The following TFEC variants were observed in gnomAD, a reference collection of about 807,000 sequenced individuals.
The protein encoded by TFEC is transcription factor EC.
In TFEC, 31 loss-of-function variants were observed where a neutral mutation model predicts 41.6. That is an observed-to-expected ratio of 0.74 (90% confidence interval 0.56 to 1.01). The LOEUF (loss-of-function observed/expected upper bound fraction) is 1.01. TFEC is among the 50% of genes least tolerant of loss of function. TFEC has a pLI of 0.00. For missense variants in TFEC, 402 were observed against 404.1 expected (o/e 0.99, Z 0.04); for synonymous variants, 143 against 140.6 (o/e 1.02, Z -0.12).
At chr7:116,061,517 G>A (rs1412954944) in intron 3 of TFEC, among the ~76,000 whole-genome samples, 2 of 151,998 alleles carry the variant, frequency 1.3e-5, no homozygotes, top group Non-Finnish European at 1.5e-5. Context: ...AGAAAACTTG[G>A]GAGAAAATCT....
At chr7:115,977,599 A>G (rs1285046886) in intron 2 of TFEC, among the ~76,000 whole-genome samples, 1 of 152,040 alleles carries the variant, frequency 6.6e-6, no homozygotes, top group Non-Finnish European at 1.5e-5. Context: ...CAGTTTAAGG[A>G]GTACTCCAGT....
intron 4 of TFEC, among the ~76,000 whole-genome samples, chr7:115,955,843 A>G (rs1213001714): frequency 2.6e-5 from 4 of 151,992 alleles, no homozygotes; most frequent in Admixed American, 2.6e-4. Context: ...AGTCTGAATA[A>G]TTTGGATGCA....
rs958032611 is a variant in TFEC at position 115,977,891 on chromosome 7, G to T, written c.181-3635C>A. Among the ~76,000 whole-genome samples the T allele has an allele frequency of 1.0e-3, 111 of 106,242 alleles. 1 individual carries two copies. Among genetic ancestry groups the T allele is most frequent in the African/African-American group, 4.1e-3 (106 of 25,612 alleles). 69.7% of individuals were successfully genotyped at this position (106,242 alleles called of 152,430 possible). A position where few individuals can be genotyped will look rare whatever the true frequency, so the allele number is the denominator to read the frequency against. Reference sequence around the variant, plus strand: ...TATGTCATATATAATGTTAAACAAGGATATAGATGTAGAAAAAAACATAAT... The same window carrying T: ...TATGTCATATATAATGTTAAACAAGTATATAGATGTAGAAAAAAACATAAT... On this transcript the variant is annotated intron_variant, in intron 2 of 7. Coordinates refer to ENST00000265440, the MANE Select transcript of TFEC (RefSeq NM_012252.4).
chr7:116,075,386 T>C (rs568541605), intron 3 of TFEC, among the ~76,000 whole-genome samples: 12 of 152,206 alleles, frequency 7.9e-5, no homozygotes, highest in African/African-American at 2.2e-4. Flanking sequence ...CACAGACCCT[T>C]TGAAGGGGAA....
chr7:116,013,243 G>T (rs370441211), intron 1 of TFEC, among the ~76,000 whole-genome samples: 1 of 151,920 alleles, frequency 6.6e-6, no homozygotes, highest in African/African-American at 2.4e-5. Context: ...TGTTTTAAAT[G>T]CACCTGTTAT....
intron 3 of TFEC, among the ~76,000 whole-genome samples, chr7:116,094,391 T>C (rs918155551): frequency 1.3e-5 from 2 of 152,168 alleles, no homozygotes; most frequent in African/African-American, 4.8e-5. Context: ...AAAATAAGAA[T>C]ACATTTTGGC....
intron 1 of TFEC, among the ~76,000 whole-genome samples, chr7:115,985,712 G>A (rs1793822990): frequency 6.6e-6 from 1 of 151,778 alleles, no homozygotes; most frequent in African/African-American, 2.4e-5. Context: ...TAATTTTTCA[G>A]TCATATAAAA....
intron 3 of TFEC, among the ~76,000 whole-genome samples, chr7:115,972,211 C>T (rs1793165178): frequency 6.6e-6 from 1 of 152,024 alleles, no homozygotes; most frequent in African/African-American, 2.4e-5. Flanking sequence ...TCAAACATCA[C>T]CTCTTTCTAA....
At chr7:116,089,099 G>A (rs1462464301) in intron 3 of TFEC, among the ~76,000 whole-genome samples, 1 of 152,052 alleles carries the variant, frequency 6.6e-6, no homozygotes, top group African/African-American at 2.4e-5. Context: ...GCATGTACTT[G>A]TTTAAATCTA....
Position 115,940,657 on chromosome 7 carries a change from AT to A in TFEC, c.937del (p.Ile313SerfsTer38). 6.2e-7 allele frequency: 1 copy of A among 1,613,580 alleles called. No homozygotes were observed. The highest frequency in any genetic ancestry group is 8.5e-7 in the Non-Finnish European group (1 of 1,179,658). ...RLDGMLLDDT[I>X]SPFGTDPLLS... The stretch of plus-strand genomic sequence containing the variant: ...CAGAGGATCTGTTCCAAATGGAGAG[AT>A]TGTGTCATCCAATAGCATGCCATCC... On this transcript the variant is annotated frameshift_variant, in exon 8 of 8. Transcript: ENST00000265440. LOFTEE classifies it high-confidence loss of function.
At chr7:115,967,681 T>C (rs1342927962) in intron 3 of TFEC, among the ~76,000 whole-genome samples, 1 of 151,826 alleles carries the variant, frequency 6.6e-6, no homozygotes, top group East Asian at 1.9e-4. Context: ...ATATAATGTG[T>C]TGAGCTGGAA....
chr7:115,994,399 T>A (rs905344149), intron 1 of TFEC, among the ~76,000 whole-genome samples: 2 of 152,172 alleles, frequency 1.3e-5, no homozygotes, highest in Non-Finnish European at 1.5e-5. Context: ...CAATGGAAAC[T>A]ACCATCAGAG....
At chr7:115,989,771 C>T (rs1046391039) in intron 1 of TFEC, among the ~76,000 whole-genome samples, 2 of 152,152 alleles carry the variant, frequency 1.3e-5, no homozygotes, top group Non-Finnish European at 2.9e-5. Context: ...AGGAGGCCTG[C>T]CTGCCTCTGT....
chr7:116,154,834 A>G (rs1449459146), intron 1 of TFEC, among the ~76,000 whole-genome samples: 1 of 152,120 alleles, frequency 6.6e-6, no homozygotes, highest in African/African-American at 2.4e-5. Context: ...GAGGGGAGAA[A>G]TCGCGGATCT....
intron 3 of TFEC, among the ~76,000 whole-genome samples, chr7:116,066,337 CGTCT>C (rs1422102275): frequency 1.3e-5 from 2 of 152,020 alleles, no homozygotes; most frequent in Non-Finnish European, 2.9e-5. Flanking sequence ...ATATAACTTA[CGTCT>C]TTCTTTTGAT....
At chr7:116,119,801 A>G (rs1384796867) in intron 1 of TFEC, among the ~76,000 whole-genome samples, 1 of 151,846 alleles carries the variant, frequency 6.6e-6, no homozygotes, top group Admixed American at 6.6e-5. Flanking sequence ...TATATACAAT[A>G]AAATTTATCA....
At chr7:115,969,361 A>T (rs1202389308) in intron 3 of TFEC, among the ~76,000 whole-genome samples, 1 of 151,916 alleles carries the variant, frequency 6.6e-6, no homozygotes, top group East Asian at 1.9e-4. Flanking sequence ...CAGAGGGTAA[A>T]TAAAATAAGA....
In TFEC at chr7:116,136,692, G is replaced by T. The variant is rs149925066; in HGVS notation, c.-69+23098C>A. Among the ~76,000 whole-genome samples the T allele has an allele frequency of 1.8e-3, 279 of 151,772 alleles. 1 individual carries two copies. Among genetic ancestry groups the T allele is most frequent in the African/African-American group, 6.4e-3 (264 of 41,492 alleles). On this transcript the variant is annotated intron_variant, in intron 1 of 8. Transcript: ENST00000484212. ...AAAAATCAGTTGATTCTTGAATACT[G>T]TCCTAAATAAAAATGCAAGTCATAT... is the stretch of plus-strand genomic sequence containing the variant.
At chr7:116,040,695 C>T (rs1006790679) in intron 3 of TFEC, among the ~76,000 whole-genome samples, 4 of 152,104 alleles carry the variant, frequency 2.6e-5, no homozygotes, top group Non-Finnish European at 4.4e-5. Flanking sequence ...ACATGCACAA[C>T]GCCTAGCTTC....
Sources: gnomAD v4.1 joint callset for allele counts (sites outside exome capture counted in the v4.1 genomes callset) on GRCh38, gnomAD v4.1.1 for gene constraint, MANE v1.5 for transcripts, NCBI Gene and HGNC (gene_info 2026-07-23, HGNC 2026-07-21) for gene names.